Variants in PALB2 observed in about 807,000 individuals in gnomAD.
The protein encoded by PALB2 is partner and localizer of BRCA2.
Under a neutral mutation model 107.4 loss-of-function variants are expected in PALB2, and 82 were observed. The observed-to-expected ratio is 0.76, with a 90% CI of 0.64 to 0.92. The LOEUF is 0.92. Among genes scored for constraint, PALB2 ranks in the 40% least tolerant of loss-of-function variants. PALB2 has a pLI of 0.00. For missense variants in PALB2, 1,374 were observed against 1,379.9 expected, an observed-to-expected ratio of 1.00 and a Z score of 0.07; for synonymous variants, 489 against 496.8, an observed-to-expected ratio of 0.98 and a Z score of 0.21.
chr16:23,611,121 T>TATCA (rs1177935573), intron 11 of PALB2, among the ~76,000 whole-genome samples: 1 of 140,900 alleles, frequency 7.1e-6, no homozygotes, highest in East Asian at 2.0e-4. Context: ...TCTATCTATC[T>TATCA]ATCAATCTAT....
intron 6 of PALB2, among the ~76,000 whole-genome samples, chr16:23,628,871 T>C (rs1001571681): frequency 3.9e-5 from 6 of 152,110 alleles, no homozygotes; most frequent in African/African-American, 1.4e-4. Context: ...TGACCTCAAG[T>C]GATCAGCCCG....
Position 23,629,210 on chromosome 16 carries a change from C to T in PALB2, c.2580G>A (p.Glu860=). 1 of 1,612,194 alleles carries T rather than the reference C, an allele frequency of 6.2e-7. No individual in the cohort carries two copies. The highest frequency in any genetic ancestry group is 8.5e-7 in the Non-Finnish European group (1 of 1,178,570). ...INPGNLQLVS[E]LKNPSGSCSV... Reference sequence around the variant, plus strand: ...AAGAGAATATTCTTCTGACCTTTAACTCTGAAACCAATTGTAGGTTGCCTG... The same window carrying T: ...AAGAGAATATTCTTCTGACCTTTAATTCTGAAACCAATTGTAGGTTGCCTG... The change falls in exon 6 of 13, where the codon GAG becomes GAA. Residue 860 remains glutamate, a synonymous_variant. Transcript: ENST00000261584.
At chr16:23,639,885 ATTTTC>A (rs1967171556) in intron 1 of PALB2, among the ~76,000 whole-genome samples, 1 of 151,918 alleles carries the variant, frequency 6.6e-6, no homozygotes, top group Non-Finnish European at 1.5e-5. Flanking sequence ...ACCGTAAGGA[ATTTTC>A]TTTTTTTTTG....
In PALB2 at chr16:23,608,639, A is replaced by C. The variant is rs74014953; in HGVS notation, c.3202-627T>G. Among the ~76,000 whole-genome samples the C allele has an allele frequency of 7.4e-3, 1,128 of 152,202 alleles. 20 individuals are homozygous for C. Among genetic ancestry groups the C allele is most frequent in the African/African-American group, 0.026 (1,073 of 41,510 alleles). On this transcript the variant is annotated intron_variant, in intron 11 of 12. Coordinates refer to ENST00000261584, the MANE Select transcript of PALB2 (RefSeq NM_024675.4). Reference sequence around the variant, plus strand: ...CTGGTTTCTCAGACCAGCCCACAATAGCCTATTTAAAACCCTGACCCTACT... The same window carrying C: ...CTGGTTTCTCAGACCAGCCCACAATCGCCTATTTAAAACCCTGACCCTACT...
chr16:23,640,371 G>A (rs940942273), intron 1 of PALB2: 1 of 203,818 alleles, frequency 4.9e-6, no homozygotes, highest in Non-Finnish European at 1.0e-5. Context: ...AGGTGCAGTG[G>A]CGGGTTCGTG....
At chr16:23,638,034 C>G (rs2142459132) in intron 2 of PALB2, 36 bp downstream of exon 2, 2 of 1,607,354 alleles carry the variant, frequency 1.2e-6, no homozygotes, top group Non-Finnish European at 8.5e-7. Flanking sequence ...ATTGTTTGTA[C>G]TATAACACCT....
At chr16:23,617,448 G>A (rs551689632) in intron 10 of PALB2, among the ~76,000 whole-genome samples, 42 of 151,962 alleles carry the variant, frequency 2.8e-4, no homozygotes, top group South Asian at 1.0e-3. Context: ...GGCCAGGTGC[G>A]GCAGCTTATG....
Position 23,623,070 on chromosome 16 carries a change from A to G in PALB2, c.2895T>C (p.Asn965=), listed in dbSNP as rs1555459569. The change falls in exon 9 of 13, where the codon AAT becomes AAC. Residue 965 remains asparagine (N), a synonymous_variant. Coordinates refer to ENST00000261584, the MANE Select transcript of PALB2 (RefSeq NM_024675.4). ...SEKQVLLKSG[N]IKAVLGLTKR... is the part of the protein sequence containing the mutation. ...TTGTCAGGCCAAGCACAGCTTTTAT[A>G]TTTCCAGACTTCAGTAGTACTTGCT... 6.2e-7 allele frequency: 1 copy of G among 1,614,024 alleles called. No homozygotes were observed. The highest frequency in any genetic ancestry group is 8.5e-7 in the Non-Finnish European group (1 of 1,179,962).
At position 23,634,908 on chromosome 16, in the gene PALB2, G is replaced by A. The variant is rs876659604; in HGVS notation, c.1638C>T (p.Val546=). 6.2e-7 allele frequency: 1 copy of A among 1,614,104 alleles called. No individual in the cohort carries two copies. Among genetic ancestry groups the A allele is most frequent in the Non-Finnish European group, 8.5e-7 (1 of 1,180,012 alleles). ...TTTCGTGCTGATATTTGTGTGAGGT[G>A]ACTTCTTCCTTGGACCTGTTAACAA... ...LSIVNRSKEE[V]TSHKYQHEKL... is the part of the protein sequence containing the mutation. Residue 546 remains valine (V), a synonymous_variant, in exon 4 of 13, where the codon GTC becomes GTT. Coordinates refer to ENST00000261584, the MANE Select transcript of PALB2 (RefSeq NM_024675.4).
chr16:23,637,332 A>T (rs1246504715), intron 3 of PALB2, among the ~76,000 whole-genome samples: 2 of 152,194 alleles, frequency 1.3e-5, no homozygotes, highest in Non-Finnish European at 2.9e-5. Flanking sequence ...GAAAAAGAGC[A>T]AGAGAGGGAA....
chr16:23,632,263 G>A (rs1005544724), intron 4 of PALB2, among the ~76,000 whole-genome samples: 2 of 152,126 alleles, frequency 1.3e-5, no homozygotes. Context: ...GGACAACATG[G>A]TGAAACCCCG....
chr16:23,629,646 G>A lies in PALB2; in HGVS notation c.2508C>T (p.Val836=), dbSNP rs786203603. The A allele has an allele frequency of 1.3e-5, 21 of 1,613,698 alleles. No homozygotes were observed. The highest frequency in any genetic ancestry group is 1.6e-4 in the Middle Eastern group (1 of 6,084). Residue 836 remains valine (V), a synonymous_variant, in exon 5 of 13, where the codon GTC becomes GTT. Coordinates refer to ENST00000261584, the MANE Select transcript of PALB2 (RefSeq NM_024675.4). ...NTCQELHKHS[V]EQTETAELPA... is the part of the protein sequence containing the mutation. The stretch of plus-strand genomic sequence containing the variant: ...CAGAGGAAATGGATTGTACCTGTTC[G>A]ACGGAATGTTTATGCAGCTCCTGGC...
At chr16:23,617,362 G>A (rs1966701894) in intron 10 of PALB2, among the ~76,000 whole-genome samples, 1 of 151,942 alleles carries the variant, frequency 6.6e-6, no homozygotes, top group African/African-American at 2.4e-5. Context: ...ATAGATATGA[G>A]ACATGGTACC....
intron 4 of PALB2, among the ~76,000 whole-genome samples, chr16:23,631,309 A>C (rs991521215): frequency 2.3e-4 from 33 of 145,456 alleles, no homozygotes; most frequent in African/African-American, 7.9e-4. Flanking sequence ...AAAAAAACTA[A>C]ACTAAAAAAA....
In PALB2 at chr16:23,634,639, T is replaced by TTTTATTTA. The variant is rs60066032; in HGVS notation, c.1684+215_1684+222dup. On this transcript the variant is annotated intron_variant, in intron 4 of 12. Transcript: ENST00000261584. ...CAACAGTGAGCCCCTGTCTCTTTAT[T>TTTTATTTA]TTTATTTATTTATTTATTTATTTAT... Among the ~76,000 whole-genome samples the TTTTATTTA allele has an allele frequency of 0.07, 10,307 of 146,824 alleles. 424 individuals carry two copies. The highest frequency in any genetic ancestry group is 0.13 in the East Asian group (671 of 5,018).
intron 7 of PALB2, among the ~76,000 whole-genome samples, chr16:23,625,287 C>A (rs1178323720): frequency 6.6e-6 from 1 of 151,806 alleles, no homozygotes; most frequent in Admixed American, 6.6e-5. Flanking sequence ...AAGCCAAGAT[C>A]GCCCCACTGC....
At chr16:23,614,949 CTTT>C (rs1288431746) in intron 10 of PALB2, among the ~76,000 whole-genome samples, 3 of 104,746 alleles carry the variant, frequency 2.9e-5, no homozygotes, top group Admixed American at 1.0e-4. Context: ...CGCGCCTGGC[CTTT>C]TTTTTTTTTT....
In PALB2 at chr16:23,635,542, T is replaced by A. The variant is rs1368473544; in HGVS notation, c.1004A>T (p.Asn335Ile). Residue 335 changes from asparagine to isoleucine, a missense_variant, in exon 4 of 13, where the codon AAT becomes ATT. Asn to Ile is a moderately radical substitution (Grantham distance 149). Coordinates refer to ENST00000261584, the MANE Select transcript of PALB2 (RefSeq NM_024675.4). Reference sequence around the variant, plus strand: ...TTGGTTTTCATTTGCTGGTAAGTTATTGTAGGTGAGTTCATTTAGAGAACA... The same window carrying A: ...TTGGTTTTCATTTGCTGGTAAGTTAATGTAGGTGAGTTCATTTAGAGAACA... ...ISCSLNELTYNNLPANENQNL... is the reference protein window; with the variant it reads ...ISCSLNELTYINLPANENQNL... 6.2e-7 allele frequency: 1 copy of A among 1,613,522 alleles called. No individual in the cohort carries two copies. Among genetic ancestry groups the A allele is most frequent in the Non-Finnish European group, 8.5e-7 (1 of 1,179,744 alleles).
intron 6 of PALB2, among the ~76,000 whole-genome samples, chr16:23,628,009 A>G (rs546371255): frequency 1.3e-5 from 2 of 152,352 alleles, no homozygotes; most frequent in Admixed American, 1.3e-4. Context: ...GGATCCCCTG[A>G]GGTCAGGAGT....
Sources: gnomAD v4.1 joint callset for allele counts (sites outside exome capture counted in the v4.1 genomes callset) on GRCh38, gnomAD v4.1.1 for gene constraint, MANE v1.5 for transcripts, NCBI Gene and HGNC (gene_info 2026-07-23, HGNC 2026-07-21) for gene names.